RNF168: variants seen among roughly 807,000 people sequenced by gnomAD.
RNF168 encodes the protein E3 ubiquitin-protein ligase RNF168.
In RNF168, 34 loss-of-function variants were observed where a neutral mutation model predicts 34.9. That is an observed-to-expected ratio of 0.97 (90% CI 0.74 to 1.30). RNF168 has a LOEUF of 1.30. Among genes scored for constraint, RNF168 ranks in the 50% most tolerant of loss-of-function variants. RNF168 has a pLI of 0.00. For missense variants in RNF168, 725 were observed against 682.5 expected (o/e 1.06, Z -0.69); for synonymous variants, 264 against 254.7 (o/e 1.04, Z -0.35).
chr3:196,497,831 A>C (rs1341423792), intron 1 of RNF168, among the ~76,000 whole-genome samples: 1 of 152,224 alleles, frequency 6.6e-6, no homozygotes, highest in African/African-American at 2.4e-5. Context: ...AAAACAATTA[A>C]GAATATCTGG....
intron 2 of RNF168, 76 bp from the exon 3 acceptor site, chr3:196,487,654 A>G: frequency 7.4e-7 from 1 of 1,342,550 alleles, no homozygotes; most frequent in Non-Finnish European, 1.1e-6. Flanking sequence ...ACAAGAATAG[A>G]AAAGTAGAAA....
rs575170766 is a variant in RNF168, at chr3:196,502,954, C to G, written c.220G>C (p.Val74Leu). The change falls in exon 1 of 6, where the codon GTG (valine) becomes CTG (leucine). Residue 74 changes from valine (V) to leucine (L), a missense_variant. Physicochemically the swap from Val to Leu is conservative, Grantham distance 32. Coordinates refer to ENST00000318037, the MANE Select transcript of RNF168 (RefSeq NM_152617.4). ...YHTRRNSLVN[V>L]ELWTIIQKHY... is the part of the protein sequence containing the mutation. ...TTTTGAATTATCGTCCACAGTTCCA[C>G]GTTGACGAGAGAATTTCTTCGGGTA... is the stretch of plus-strand genomic sequence containing the variant. 4.8e-5 allele frequency: 77 copies of G among 1,613,746 alleles called. No individual in the cohort carries two copies. In the South Asian group the frequency reaches 7.5e-4, roughly 16 times the overall value.
intron 4 of RNF168, among the ~76,000 whole-genome samples, chr3:196,483,014 A>G (rs576163728): frequency 1.3e-3 from 198 of 152,238 alleles, no homozygotes; most frequent in Non-Finnish European, 2.3e-3. Flanking sequence ...ATATTGTATC[A>G]ATATGAAATA....
At chr3:196,487,932 C>T (rs1577516711) in intron 2 of RNF168, among the ~76,000 whole-genome samples, 1 of 152,176 alleles carries the variant, frequency 6.6e-6, no homozygotes, top group African/African-American at 2.4e-5. Flanking sequence ...TTTTTAGGTA[C>T]TTTTCCTATT....
chr3:196,479,606 CTTTTT>C (rs144592329), intron 4 of RNF168, among the ~76,000 whole-genome samples: 1 of 148,212 alleles, frequency 6.7e-6, no homozygotes. Context: ...CAGCCTCACG[CTTTTT>C]TTTTTGAGAC....
chr3:196,472,906 TTTC>T, intron 5 of RNF168, 134 bp from the exon 6 acceptor site: 3 of 593,070 alleles, frequency 5.1e-6, no homozygotes, highest in Non-Finnish European at 9.0e-6. Flanking sequence ...TATTTCTTTC[TTTC>T]TTTTCTTTTT....
rs537330416 is a variant in RNF168, at chr3:196,490,587, T to G, written c.302-1904A>C. Reference sequence around the variant, plus strand: ...GTAACAAAATTACCCTTGCACCCCATAAATTTATCCAAGTAAAAAGAAAAA... The same window carrying G: ...GTAACAAAATTACCCTTGCACCCCAGAAATTTATCCAAGTAAAAAGAAAAA... On this transcript the variant is annotated intron_variant, in intron 1 of 5. Transcript: ENST00000318037. Among the ~76,000 whole-genome samples the G allele has an allele frequency of 3.4e-4, 51 of 150,250 alleles. No homozygotes were observed. The South Asian group carries it at 9.4e-3, about 28-fold the overall frequency.
intron 3 of RNF168, among the ~76,000 whole-genome samples, chr3:196,485,843 T>C (rs1316621215): frequency 6.6e-6 from 1 of 152,226 alleles, no homozygotes; most frequent in Non-Finnish European, 1.5e-5. Context: ...AAGATATTCG[T>C]TGTTTGAAAG....
intron 1 of RNF168, among the ~76,000 whole-genome samples, chr3:196,495,008 G>C (rs1732704078): frequency 6.6e-6 from 1 of 152,170 alleles, no homozygotes; most frequent in African/African-American, 2.4e-5. Flanking sequence ...GGGCGACTAA[G>C]TGAGACCCTG....
chr3:196,489,910 A>G (rs560279601), intron 1 of RNF168, among the ~76,000 whole-genome samples: 4 of 152,292 alleles, frequency 2.6e-5, no homozygotes, highest in African/African-American at 9.6e-5. Flanking sequence ...GCACACACGC[A>G]TATTTCTTTA....
chr3:196,500,811 A>C lies in RNF168; in HGVS notation c.301+2062T>G, dbSNP rs183151768. ...ACTGCAAGCTCCGCCTCCCGGGTTC[A>C]CGCCATTCTCCGGCCTCAGCCTCCC... is the stretch of plus-strand genomic sequence containing the variant. On this transcript the variant is annotated intron_variant, in intron 1 of 5. Transcript: ENST00000318037. 1.8e-3 allele frequency among the ~76,000 whole-genome samples: 267 copies of C among 151,804 alleles called. 1 individual carries two copies. In the East Asian group the frequency reaches 0.029, roughly 17 times the overall value.
chr3:196,503,702 G>GA lies in RNF168; in HGVS notation c.-530_-529insT. 1.1e-5 allele frequency: 2 copies of GA among 182,700 alleles called. No homozygotes were observed. Among genetic ancestry groups the GA allele is most frequent in the Non-Finnish European group, 2.3e-5 (2 of 85,326 alleles). 11.3% of individuals were successfully genotyped at this position (182,700 alleles called of 1,614,324 possible). A position where few individuals can be genotyped will look rare whatever the true frequency, so the allele number is the denominator to read the frequency against. On this transcript the variant is annotated 5_prime_UTR_variant, in exon 1 of 6. Transcript: ENST00000318037. ...CTGGCGCAGTTTCCCAGAGCTCCGC[G>GA]CCCCCGTCCCTCCTACGCAGCCAGA...
chr3:196,476,486 G>A (rs1310141058), intron 4 of RNF168, among the ~76,000 whole-genome samples: 5 of 150,024 alleles, frequency 3.3e-5, no homozygotes, highest in Non-Finnish European at 5.9e-5. Flanking sequence ...GTGCAATCTC[G>A]GCTCACTGCA....
chr3:196,485,050 GTAA>G (rs1732390429), intron 3 of RNF168, among the ~76,000 whole-genome samples: 2 of 152,110 alleles, frequency 1.3e-5, no homozygotes, highest in African/African-American at 4.8e-5. Context: ...ATAGTTTTAT[GTAA>G]TAATATTTTA....
intron 4 of RNF168, among the ~76,000 whole-genome samples, chr3:196,483,188 G>A (rs963083180): frequency 7.9e-5 from 12 of 151,562 alleles, no homozygotes; most frequent in African/African-American, 2.9e-4. Flanking sequence ...AACAAATCTT[G>A]GAAGGAGATG....
intron 3 of RNF168, among the ~76,000 whole-genome samples, chr3:196,486,823 C>CT (rs1577515930): frequency 6.6e-6 from 1 of 152,226 alleles, no homozygotes; most frequent in African/African-American, 2.4e-5. Flanking sequence ...AAACCCAGCA[C>CT]TTTGAGACGC....
At chr3:196,498,784 C>T (rs1425167085) in intron 1 of RNF168, among the ~76,000 whole-genome samples, 1 of 152,050 alleles carries the variant, frequency 6.6e-6, no homozygotes, top group Admixed American at 6.5e-5. Context: ...CACCTGAGGT[C>T]AGGAGTTCGA....
At chr3:196,479,595 C>G (rs924466133) in intron 4 of RNF168, among the ~76,000 whole-genome samples, 12 of 151,846 alleles carry the variant, frequency 7.9e-5, no homozygotes, top group African/African-American at 2.9e-4. Flanking sequence ...GCCAACACAC[C>G]CAGCCTCACG....
In RNF168 at chr3:196,503,325, G is replaced by A. The variant is rs533882729; in HGVS notation, c.-152C>T. The A allele has an allele frequency of 6.9e-6, 5 of 724,976 alleles. No individual in the cohort carries two copies. In the East Asian group the frequency reaches 1.1e-4, roughly 16 times the overall value. The allele number at this position is 724,976 out of a possible 1,614,324, so 44.9% of individuals were successfully genotyped here. ...TTCGGAGAACAGGAGCATCCAACACGTCTTGAAGCAAAAAGGCGCTCTCAG... is the reference window on the plus strand; with the variant it reads ...TTCGGAGAACAGGAGCATCCAACACATCTTGAAGCAAAAAGGCGCTCTCAG... On this transcript the variant is annotated 5_prime_UTR_variant, in exon 1 of 6. The change creates a new upstream start codon in the 5' untranslated region. Coordinates refer to ENST00000318037, the MANE Select transcript of RNF168 (RefSeq NM_152617.4).
Sources: gnomAD v4.1 joint callset for allele counts (sites outside exome capture counted in the v4.1 genomes callset) on GRCh38, gnomAD v4.1.1 for gene constraint, MANE v1.5 for transcripts, NCBI Gene and HGNC (gene_info 2026-07-23, HGNC 2026-07-21) for gene names.